SYNJ1: variants seen among roughly 807,000 people sequenced by gnomAD.
SYNJ1 encodes the protein polyphosphatidylinositol phosphatase SYNJ1.
A neutral mutation model predicts 168.2 loss-of-function variants in SYNJ1; 78 were observed. The observed-to-expected ratio is 0.46, with a 90% CI of 0.39 to 0.56. The LOEUF is 0.56. Among genes scored for constraint, SYNJ1 ranks in the 20% least tolerant of loss-of-function variants. SYNJ1 has a pLI of 0.00. For missense variants in SYNJ1, 1,303 were observed against 1,597.6 expected (o/e 0.82, Z 3.14); for synonymous variants, 539 against 548.6 (o/e 0.98, Z 0.24).
rs763286771 is a variant in SYNJ1, at chr21:32,631,575, G to A, written c.*230C>T. The A allele has an allele frequency of 1.2e-6, 2 of 1,614,062 alleles. No individual in the cohort carries two copies. Among genetic ancestry groups the A allele is most frequent in the Admixed American group, 3.3e-5 (2 of 60,010 alleles). On this transcript the variant is annotated 3_prime_UTR_variant, in exon 33 of 33. Transcript: ENST00000674351. The stretch of plus-strand genomic sequence containing the variant: ...CATATTTTCCTGGGATTGACTCCGA[G>A]CTGGAATTGGAGGCATTGTTGGCAT...
chr21:32,656,672 T>A lies in SYNJ1; in HGVS notation c.2795+15A>T. 6.3e-7 allele frequency: 1 copy of A among 1,597,380 alleles called. No homozygotes were observed. Among genetic ancestry groups the A allele is most frequent in the South Asian group, 1.1e-5 (1 of 89,204 alleles). On this transcript the variant is annotated intron_variant, in intron 21 of 32. Transcript: ENST00000674351. ...TTATGAATCACAAGCTACTTTTGCA[T>A]AATAAACATCTTACCTTATAAGTAT...
At chr21:32,642,863 ATTG>A (rs2039903897) in intron 27 of SYNJ1, among the ~76,000 whole-genome samples, 1 of 152,202 alleles carries the variant, frequency 6.6e-6, no homozygotes, top group Non-Finnish European at 1.5e-5. Context: ...TTCAAGTACA[ATTG>A]TTATAAGAAA....
intron 31 of SYNJ1, among the ~76,000 whole-genome samples, chr21:32,638,627 G>A (rs2039684858): frequency 6.6e-6 from 1 of 152,104 alleles, no homozygotes; most frequent in Admixed American, 6.5e-5. Flanking sequence ...AACCCGGGAG[G>A]CGGAGGTTGC....
At chr21:32,690,368 C>T (rs1783068) in intron 6 of SYNJ1, among the ~76,000 whole-genome samples, 83,339 of 151,698 alleles carry the variant, frequency 0.55, 23,465 homozygotes, top group African/African-American at 0.68. Context: ...TCACCATGCC[C>T]GAATGATTTT....
chr21:32,684,204 G>T, intron 9 of SYNJ1, 85 bp from the exon 10 acceptor site: 1 of 1,270,094 alleles, frequency 7.9e-7, no homozygotes, highest in African/African-American at 1.5e-5. Context: ...TTAAAATGTA[G>T]CATCCACCTT....
At chr21:32,688,189 T>C (rs2041897329) in intron 7 of SYNJ1, 117 bp downstream of exon 7, 11 of 882,650 alleles carry the variant, frequency 1.2e-5, no homozygotes, top group Middle Eastern at 2.5e-4. Context: ...TCAATTAAAT[T>C]AGGAGTCAGA....
At chr21:32,718,793 C>T (rs2043113505) in intron 2 of SYNJ1, among the ~76,000 whole-genome samples, 1 of 152,094 alleles carries the variant, frequency 6.6e-6, no homozygotes, top group South Asian at 2.1e-4. Flanking sequence ...GTAAATTAAA[C>T]CATACTTTCT....
At chr21:32,684,507 TAAATA>T (rs1193358117) in intron 9 of SYNJ1, among the ~76,000 whole-genome samples, 1 of 152,230 alleles carries the variant, frequency 6.6e-6, no homozygotes, top group Non-Finnish European at 1.5e-5. Flanking sequence ...GCATTGATGC[TAAATA>T]AAATACAAAT....
intron 2 of SYNJ1, among the ~76,000 whole-genome samples, chr21:32,712,665 A>G (rs547420886): frequency 3.3e-5 from 5 of 152,360 alleles, no homozygotes; most frequent in African/African-American, 1.2e-4. Context: ...CTTCTTAGGA[A>G]TCAGATTAGG....
chr21:32,688,234 A>G lies in SYNJ1; in HGVS notation c.851+72T>C. 4.9e-6 allele frequency: 7 copies of G among 1,429,666 alleles called. No individual in the cohort carries two copies. The Middle Eastern group carries it at 7.1e-4, about 146-fold the overall frequency. 88.6% of individuals were successfully genotyped at this position (1,429,666 alleles called of 1,614,324 possible). ...TTTAAAGCCAAAAAAGTTTGAAGTGAATCAGTAAATACAAGCAGTCCCACT... is the reference window on the plus strand; with the variant it reads ...TTTAAAGCCAAAAAAGTTTGAAGTGGATCAGTAAATACAAGCAGTCCCACT... On this transcript the variant is annotated intron_variant, in intron 7 of 32. Transcript: ENST00000674351.
intron 2 of SYNJ1, among the ~76,000 whole-genome samples, chr21:32,704,182 C>G (rs555275322): frequency 2.0e-4 from 31 of 152,216 alleles, no homozygotes; most frequent in African/African-American, 7.5e-4. Context: ...CTGATGAAGG[C>G]CCATCTATTA....
upstream of SYNJ1, chr21:32,728,348 T>G: frequency 3.5e-6 from 1 of 288,168 alleles, no homozygotes; most frequent in Non-Finnish European, 6.6e-6. Context: ...CTCCCCAAGC[T>G]GGGCGTCAGG....
chr21:32,644,968 C>T lies in SYNJ1; in HGVS notation c.3430G>A (p.Gly1144Ser), dbSNP rs1236241743. Residue 1144 changes from glycine to serine, a missense_variant and splice_region_variant, in exon 26 of 33, where the codon GGT becomes AGT. By Grantham distance (56) the Gly-to-Ser change is moderately conservative. Coordinates refer to ENST00000674351, the MANE Select transcript of SYNJ1 (RefSeq NM_203446.3). ...CATGCTAACAAATGTAAATGGTTAC[C>T]TCCAAATTCCTTTCTAGTGGGTGCA... is the stretch of plus-strand genomic sequence containing the variant. ...SPAPTRKEFG[G>S]IGAPPSPGVA... 5.6e-6 allele frequency: 9 copies of T among 1,606,882 alleles called. No homozygotes were observed. The South Asian group carries it at 1.0e-4, about 18-fold the overall frequency.
intron 23 of SYNJ1, among the ~76,000 whole-genome samples, chr21:32,647,582 C>G (rs1027025853): frequency 1.3e-5 from 2 of 152,204 alleles, no homozygotes; most frequent in African/African-American, 4.8e-5. Flanking sequence ...CTTCAGAAGC[C>G]AGGGTTTGAT....
At chr21:32,673,638 C>T (rs2041289502) in intron 13 of SYNJ1, 107 bp from the exon 14 acceptor site, 1 of 908,618 alleles carries the variant, frequency 1.1e-6, no homozygotes, top group South Asian at 2.8e-5. Context: ...ATTATTATCA[C>T]AAGCACAAAC....
At chr21:32,652,580 G>T (rs1804277688) in intron 22 of SYNJ1, among the ~76,000 whole-genome samples, 2 of 152,356 alleles carry the variant, frequency 1.3e-5, no homozygotes, top group East Asian at 3.9e-4. Context: ...TCACAGAGTT[G>T]CTCAGTGCTG....
chr21:32,685,271 TAAAG>T (rs2041788272), intron 9 of SYNJ1, among the ~76,000 whole-genome samples: 2 of 151,112 alleles, frequency 1.3e-5, no homozygotes, highest in African/African-American at 4.9e-5. Context: ...TGGTGAATTC[TAAAG>T]AAAGAAAAAC....
At chr21:32,712,140 AAAG>A (rs1185403022) in intron 2 of SYNJ1, among the ~76,000 whole-genome samples, 1 of 152,226 alleles carries the variant, frequency 6.6e-6, no homozygotes, top group Non-Finnish European at 1.5e-5. Context: ...AGACTAAGCT[AAAG>A]AAGGTCAATA....
intron 26 of SYNJ1, among the ~76,000 whole-genome samples, chr21:32,643,732 T>A (rs528663806): frequency 1.3e-5 from 2 of 152,214 alleles, no homozygotes; most frequent in Non-Finnish European, 2.9e-5. Context: ...TTAAAAAATA[T>A]GTTTAATGAA....
Sources: gnomAD v4.1 joint callset for allele counts (sites outside exome capture counted in the v4.1 genomes callset) on GRCh38, gnomAD v4.1.1 for gene constraint, MANE v1.5 for transcripts, NCBI Gene and HGNC (gene_info 2026-07-23, HGNC 2026-07-21) for gene names.